Variants in RFX2 observed in about 807,000 individuals in gnomAD.
RFX2 encodes the protein regulatory factor X2.
A neutral mutation model predicts 87.8 loss-of-function variants in RFX2; 20 were observed. The ratio of observed to expected loss-of-function variants is 0.23; its 90% CI spans 0.16 to 0.33. The LOEUF (loss-of-function observed/expected upper bound fraction) is 0.33, where lower values mean the gene tolerates loss of function less well. RFX2 is among the 10% of genes least tolerant of loss of function. The pLI is 1.00. For synonymous variants in RFX2, 397 were observed against 431.3 expected (o/e 0.92, Z 0.98); for missense variants, 767 against 1,012.3 (o/e 0.76, Z 3.29).
intron 1 of RFX2, among the ~76,000 whole-genome samples, chr19:6,054,642 AC>A (rs1423375047): frequency 6.6e-6 from 1 of 152,214 alleles, no homozygotes; most frequent in Non-Finnish European, 1.5e-5. Context: ...AGTCTTTTAA[AC>A]AAATGGTGAT....
intron 1 of RFX2, among the ~76,000 whole-genome samples, chr19:6,079,051 T>C (rs1195918872): frequency 6.6e-6 from 1 of 152,244 alleles, no homozygotes; most frequent in African/African-American, 2.4e-5. Context: ...GCTGGAATTA[T>C]AGGCGTGAGC....
In RFX2 at chr19:6,056,315, G is replaced by A. The variant is rs1303734198; in HGVS notation, c.-8-8811C>T. 6.6e-6 allele frequency among the ~76,000 whole-genome samples: 1 copy of A among 152,204 alleles called. No individual in the cohort carries two copies. The highest frequency in any genetic ancestry group is 1.5e-5 in the Non-Finnish European group (1 of 68,032). On this transcript the variant is annotated intron_variant, in intron 1 of 17. Transcript: ENST00000303657. The surrounding 1 kb of genome is among the most constrained non-coding windows in gnomAD (Gnocchi z 4.6). ...GGGTGGTGGCTTCATAAGTTTCATT[G>A]CATTGTGTATTTACTTTGTGGATGT... is the stretch of plus-strand genomic sequence containing the variant.
At chr19:6,098,849 ACT>A (rs1335071800) in intron 1 of RFX2, among the ~76,000 whole-genome samples, 3 of 151,614 alleles carry the variant, frequency 2.0e-5, no homozygotes, top group East Asian at 1.9e-4. Flanking sequence ...ATTTTATGTA[ACT>A]CTGTTAATTC....
At chr19:6,038,327 A>G (rs1378087885) in intron 5 of RFX2, among the ~76,000 whole-genome samples, 1 of 80,132 alleles carries the variant, frequency 1.2e-5, no homozygotes, top group Non-Finnish European at 2.6e-5. Flanking sequence ...ACTCCGTCTC[A>G]GAAAAAAAAA....
Position 6,010,092 on chromosome 19 carries a change from G to C in RFX2, c.1015+44C>G, listed in dbSNP as rs752826311. The C allele has an allele frequency of 1.9e-5, 24 of 1,250,566 alleles. No homozygotes were observed. Among genetic ancestry groups the C allele is most frequent in the Non-Finnish European group, 2.7e-5 (24 of 881,564 alleles). The allele number at this position is 1,250,566 out of a possible 1,614,324, so 77.5% of individuals were successfully genotyped here. ...TGGTGTTGAAACCCAGGAGTGTGGC[G>C]AGCAGATGGGAGCCCCGCCCCCGGG... On this transcript the variant is annotated intron_variant, in intron 9 of 17. Transcript: ENST00000303657. The surrounding 1 kb of genome is among the most constrained non-coding windows in gnomAD (Gnocchi z 5.0).
Position 5,999,154 on chromosome 19 carries a change from G to A in RFX2, c.1860-1941C>T, listed in dbSNP as rs369793720. Reference sequence around the variant, plus strand: ...ACCTGTAATCCCAGCTATTCAGGAGGCTGAGGCACGAGAAGTGCTTGAACC... The same window carrying A: ...ACCTGTAATCCCAGCTATTCAGGAGACTGAGGCACGAGAAGTGCTTGAACC... On this transcript the variant is annotated intron_variant, in intron 15 of 17. Coordinates refer to ENST00000303657, the MANE Select transcript of RFX2 (RefSeq NM_000635.4). The surrounding 1 kb of genome is among the most constrained non-coding windows in gnomAD (Gnocchi z 4.1). 6.6e-6 allele frequency among the ~76,000 whole-genome samples: 1 copy of A among 152,190 alleles called. No individual in the cohort carries two copies. Among genetic ancestry groups the A allele is most frequent in the African/African-American group, 2.4e-5 (1 of 41,436 alleles).
At chr19:6,028,186 T>C (rs1023382883) in intron 5 of RFX2, among the ~76,000 whole-genome samples, 3 of 150,944 alleles carry the variant, frequency 2.0e-5, no homozygotes, top group Admixed American at 6.6e-5. Flanking sequence ...ACTTGAAGAA[T>C]AGGTACACTT....
At chr19:6,068,913 C>A (rs1052507709) in intron 1 of RFX2, among the ~76,000 whole-genome samples, 2 of 152,182 alleles carry the variant, frequency 1.3e-5, no homozygotes, top group East Asian at 3.9e-4. Flanking sequence ...ATGTGATAAT[C>A]TGGGCAAGGG....
intron 5 of RFX2, among the ~76,000 whole-genome samples, chr19:6,037,545 C>G (rs993430032): frequency 1.3e-5 from 2 of 152,092 alleles, no homozygotes; most frequent in African/African-American, 2.4e-5. Context: ...ATGGAGAAAA[C>G]GTACCATGTT....
chr19:6,099,229 C>A (rs1259957615), intron 1 of RFX2, among the ~76,000 whole-genome samples: 2 of 152,054 alleles, frequency 1.3e-5, no homozygotes, highest in Admixed American at 1.3e-4. Flanking sequence ...ACATAGAATT[C>A]GGGATTTCAT....
chr19:6,068,560 T>G (rs892475382), intron 1 of RFX2: 1 of 152,216 alleles, frequency 6.6e-6, no homozygotes, highest in Non-Finnish European at 1.5e-5. Flanking sequence ...AATGCTTCCC[T>G]GGGTGGGCTC....
At chr19:6,034,888 G>A (rs748751387) in intron 5 of RFX2, among the ~76,000 whole-genome samples, 21 of 152,070 alleles carry the variant, frequency 1.4e-4, no homozygotes, top group Non-Finnish European at 2.5e-4. Context: ...TTAATTTACC[G>A]AAAATTTCTC....
Position 6,024,604 on chromosome 19 carries a change from C to G in RFX2, c.597+1559G>C, listed in dbSNP as rs1270370365. ...GACCACACCTGTACCTAACCCATAA[C>G]CCAGGTTTCTGGACCTGTCCTACAT... On this transcript the variant is annotated intron_variant, in intron 6 of 17. Transcript: ENST00000303657. The surrounding 1 kb of genome is among the most constrained non-coding windows in gnomAD (Gnocchi z 5.0). 5.9e-5 allele frequency among the ~76,000 whole-genome samples: 9 copies of G among 152,238 alleles called. No homozygotes were observed. Among genetic ancestry groups the G allele is most frequent in the Non-Finnish European group, 2.9e-5 (2 of 68,044 alleles).
In RFX2 at chr19:6,107,616, CAAAAA is replaced by C. The variant is rs1156483792; in HGVS notation, c.-9+2772_-9+2776del. Among the ~76,000 whole-genome samples, 5 of 31,552 alleles carry C rather than the reference CAAAAA, an allele frequency of 1.6e-4. No homozygotes were observed. In the South Asian group the frequency reaches 4.1e-3, roughly 26 times the overall value. 20.7% of individuals were successfully genotyped at this position (31,552 alleles called of 152,430 possible). On this transcript the variant is annotated intron_variant, in intron 1 of 17. Coordinates refer to ENST00000303657, the MANE Select transcript of RFX2 (RefSeq NM_000635.4). ...TGGGTGACAGAGTGAGACCCTGTCT[CAAAAA>C]AAAAAAAAAAAAAAAAAAAAAAATC...
chr19:6,054,461 C>CA (rs1394743292), intron 1 of RFX2, among the ~76,000 whole-genome samples: 4 of 152,048 alleles, frequency 2.6e-5, no homozygotes, highest in Admixed American at 6.5e-5. Context: ...ATCTCTTATG[C>CA]ACATATATGC....
chr19:6,029,679 A>C (rs981818807), intron 5 of RFX2, among the ~76,000 whole-genome samples: 1 of 152,194 alleles, frequency 6.6e-6, no homozygotes, highest in African/African-American at 2.4e-5. Context: ...CTGCACTCCA[A>C]CCTGGGTGAC....
chr19:6,061,561 C>T lies in RFX2; in HGVS notation c.-8-14057G>A, dbSNP rs115578373. 0.015 allele frequency among the ~76,000 whole-genome samples: 2,212 copies of T among 152,312 alleles called. 57 individuals are homozygous for T. The highest frequency in any genetic ancestry group is 0.05 in the African/African-American group (2,082 of 41,560). ...ACAGAATGCATCCAAAGAAACGGAA[C>T]ATTTGGTTCCCTTCCTACTCCCGGC... On this transcript the variant is annotated intron_variant, in intron 1 of 17. Transcript: ENST00000303657. This position sits in a 1 kb window ranked among gnomAD's most constrained non-coding sequence, Gnocchi z 5.2.
intron 1 of RFX2, among the ~76,000 whole-genome samples, chr19:6,107,462 CA>C: frequency 6.6e-6 from 1 of 151,048 alleles, no homozygotes; most frequent in South Asian, 2.1e-4. Context: ...ACTAAAAATA[CA>C]AAAATTAGCC....
intron 1 of RFX2, among the ~76,000 whole-genome samples, chr19:6,059,123 G>C (rs181523958): frequency 2.0e-4 from 31 of 152,210 alleles, no homozygotes; most frequent in African/African-American, 6.5e-4. Context: ...GGAACTATAG[G>C]TGAGCACCAG....
Sources: allele counts gnomAD v4.1 joint callset (sites outside exome capture counted in the v4.1 genomes callset), GRCh38; gene constraint gnomAD v4.1.1; non-coding constraint Gnocchi (gnomAD v3.1); transcripts MANE v1.5; gene names NCBI Gene and HGNC (gene_info 2026-07-23, HGNC 2026-07-21).